ATR: variants seen among roughly 807,000 people sequenced by gnomAD.
ATR encodes ATR checkpoint kinase.
In ATR, 142 loss-of-function variants were observed where a neutral mutation model predicts 305.3. The ratio of observed to expected loss-of-function variants is 0.47; its 90% CI spans 0.41 to 0.53. ATR has a LOEUF of 0.53. Among genes scored for constraint, ATR ranks in the 20% least tolerant of loss-of-function variants. ATR has a pLI of 0.00. For synonymous variants in ATR, 1,050 were observed against 1,068.1 expected, an observed-to-expected ratio of 0.98 and a Z score of 0.33; for missense variants, 2,135 against 3,133.1, an observed-to-expected ratio of 0.68 and a Z score of 7.60.
At chr3:142,526,331 T>C (rs2033386242) in intron 21 of ATR, among the ~76,000 whole-genome samples, 1 of 152,188 alleles carries the variant, frequency 6.6e-6, no homozygotes, top group Admixed American at 6.5e-5. Flanking sequence ...CTTATGTCTC[T>C]GATTATCATA....
At chr3:142,453,080 T>C (rs1279800099) in intron 46 of ATR, 48 bp downstream of exon 46, 1 of 1,612,472 alleles carries the variant, frequency 6.2e-7, no homozygotes, top group Non-Finnish European at 8.5e-7. Context: ...CAAGTTCATT[T>C]GTAGAGATGA....
chr3:142,558,112 T>C (rs1421566663), intron 8 of ATR, among the ~76,000 whole-genome samples: 1 of 152,232 alleles, frequency 6.6e-6, no homozygotes, highest in African/African-American at 2.4e-5. Flanking sequence ...CAGGCTTTTA[T>C]GTGTTACTTT....
At chr3:142,465,815 G>C (rs1332032819) in intron 40 of ATR, 1 of 172,184 alleles carries the variant, frequency 5.8e-6, no homozygotes, top group African/African-American at 2.4e-5. Flanking sequence ...GACTAGCCTG[G>C]GCAACATGAC....
chr3:142,476,005 G>T (rs531910960), intron 36 of ATR, among the ~76,000 whole-genome samples: 1 of 152,290 alleles, frequency 6.6e-6, no homozygotes, highest in Admixed American at 6.5e-5. Flanking sequence ...CCCTTCGTCA[G>T]ATGAGTAGAT....
At chr3:142,571,813 A>G (rs910457314) in intron 1 of ATR, among the ~76,000 whole-genome samples, 2 of 152,116 alleles carry the variant, frequency 1.3e-5, no homozygotes, top group African/African-American at 4.8e-5. Context: ...GCCAGGGTGA[A>G]GTGCAGTTAG....
rs1385622581 is a variant in ATR, at chr3:142,485,194, T to C, written c.6167A>G (p.Asn2056Ser). The C allele has an allele frequency of 1.2e-6, 2 of 1,614,164 alleles. No homozygotes were observed. Among genetic ancestry groups the C allele is most frequent in the South Asian group, 2.2e-5 (2 of 91,086 alleles). The change falls in exon 36 of 47, where the codon AAC (asparagine) becomes AGC (serine). Residue 2056 changes from asparagine to serine, a missense_variant. Physicochemically the swap from Asn to Ser is conservative, Grantham distance 46. Around this residue, in one of 9 missense-constraint regions of ATR, gnomAD observed 462 missense variants for 887.6 expected, o/e 0.52. Coordinates refer to ENST00000350721, the MANE Select transcript of ATR (RefSeq NM_001184.4). ...GAGATCACCTTGCTTTTCCATTTTG[T>C]TGTCTGTGACCATGGGCATCAATTT... Reference protein sequence around the residue: ...YDKLMPMVTDNKMEKQGDLIR... With the variant: ...YDKLMPMVTDSKMEKQGDLIR...
intron 35 of ATR, among the ~76,000 whole-genome samples, chr3:142,491,923 A>T (rs573930489): frequency 6.6e-6 from 1 of 152,330 alleles, no homozygotes; most frequent in East Asian, 1.9e-4. Context: ...TGTCATTTCT[A>T]GAACTATTTC....
At chr3:142,485,021 C>A (rs1030630865) in intron 36 of ATR, 119 bp downstream of exon 36, 6 of 1,430,698 alleles carry the variant, frequency 4.2e-6, no homozygotes, top group Non-Finnish European at 5.8e-6. Flanking sequence ...TAAGGTGATA[C>A]ACTGAATCAG....
rs566208351 is a variant in ATR at position 142,468,269 on chromosome 3, T to C, written c.6553-201A>G. Among the ~76,000 whole-genome samples the C allele has an allele frequency of 2.2e-3, 339 of 152,272 alleles. 1 individual carries two copies. The highest frequency in any genetic ancestry group is 7.8e-3 in the African/African-American group (324 of 41,568). On this transcript the variant is annotated intron_variant, in intron 38 of 46. Transcript: ENST00000350721. ...TATAACTTTGTGAATTATAAAGTTATAGGGATCTGCCCTGGAGAAATAATT... is the reference window on the plus strand; with the variant it reads ...TATAACTTTGTGAATTATAAAGTTACAGGGATCTGCCCTGGAGAAATAATT...
rs145760254 is a variant in ATR, at chr3:142,522,263, A to G, written c.4266+465T>C. On this transcript the variant is annotated intron_variant, in intron 23 of 46. Transcript: ENST00000350721. ...TGCTATTGCACACCTGACAGACTATAGTATAGTGTAAACATAATGTTAATA... is the reference window on the plus strand; with the variant it reads ...TGCTATTGCACACCTGACAGACTATGGTATAGTGTAAACATAATGTTAATA... Among the ~76,000 whole-genome samples the G allele has an allele frequency of 3.8e-3, 585 of 152,346 alleles. 11 individuals carry two copies. The highest frequency in any genetic ancestry group is 0.014 in the African/African-American group (571 of 41,586).
At chr3:142,572,238 T>G (rs1301023332) in intron 1 of ATR, among the ~76,000 whole-genome samples, 1 of 148,682 alleles carries the variant, frequency 6.7e-6, no homozygotes, top group African/African-American at 2.5e-5. Flanking sequence ...CCCGGCTAAT[T>G]TTTTGTATTT....
Position 142,575,080 on chromosome 3 carries a change from C to T in ATR, c.59+3566G>A, listed in dbSNP as rs1006311051. Among the ~76,000 whole-genome samples the T allele has an allele frequency of 5.9e-5, 9 of 152,122 alleles. No homozygotes were observed. The South Asian group carries it at 6.2e-4, about 11-fold the overall frequency. On this transcript the variant is annotated intron_variant, in intron 1 of 46. Coordinates refer to ENST00000350721, the MANE Select transcript of ATR (RefSeq NM_001184.4). ...CCTGTTTAAAAGATTCCAATGGTTT[C>T]CCATCACACAATAAAATCTCACTCC...
intron 42 of ATR, among the ~76,000 whole-genome samples, chr3:142,460,066 T>C (rs998164085): frequency 6.6e-6 from 1 of 152,032 alleles, no homozygotes; most frequent in Non-Finnish European, 1.5e-5. Context: ...ATAAATAAAA[T>C]AGTCAACAGC....
At chr3:142,468,609 T>C (rs889669361) in intron 38 of ATR, among the ~76,000 whole-genome samples, 1 of 152,208 alleles carries the variant, frequency 6.6e-6, no homozygotes, top group Non-Finnish European at 1.5e-5. Flanking sequence ...CTGTATTGTC[T>C]AAATTCTCTA....
intron 5 of ATR, among the ~76,000 whole-genome samples, chr3:142,560,849 C>T (rs557488108): frequency 1.7e-4 from 26 of 152,244 alleles, no homozygotes; most frequent in East Asian, 7.7e-4. Context: ...CGTGAGCCAC[C>T]GCGCCCAGCC....
chr3:142,576,769 T>C (rs932645705), intron 1 of ATR, among the ~76,000 whole-genome samples: 2 of 152,126 alleles, frequency 1.3e-5, no homozygotes, highest in African/African-American at 4.8e-5. Context: ...TAGCAGATTA[T>C]AGTTGAAGGC....
chr3:142,538,706 A>G, intron 18 of ATR, 81 bp from the exon 19 acceptor site: 1 of 1,526,862 alleles, frequency 6.5e-7, no homozygotes, highest in Non-Finnish European at 9.0e-7. Flanking sequence ...TTAGTTGAAG[A>G]CACATGATAT....
intron 18 of ATR, among the ~76,000 whole-genome samples, chr3:142,539,879 G>T (rs1280099077): frequency 6.6e-6 from 1 of 152,164 alleles, no homozygotes; most frequent in Non-Finnish European, 1.5e-5. Context: ...CTTAGGCAAT[G>T]ATCATTAATT....
At chr3:142,525,673 T>A (rs758214676) in intron 21 of ATR, among the ~76,000 whole-genome samples, 19 of 152,174 alleles carry the variant, frequency 1.2e-4, no homozygotes, top group Non-Finnish European at 2.2e-4. Flanking sequence ...CCTGTGATAA[T>A]AAGTGAGTTC....
Sources: gnomAD v4.1 joint callset for allele counts (sites outside exome capture counted in the v4.1 genomes callset) on GRCh38, gnomAD v4.1.1 for gene constraint, gnomAD v4.1.1 regional missense constraint, MANE v1.5 for transcripts, NCBI Gene and HGNC (gene_info 2026-07-23, HGNC 2026-07-21) for gene names.